Variants in GPT2 observed in about 807,000 individuals in gnomAD.
GPT2 encodes alanine aminotransferase 2.
GPT2 carries 30 observed loss-of-function variants against 56.9 expected under a neutral mutation model. The ratio of observed to expected loss-of-function variants is 0.53; its 90% confidence interval spans 0.39 to 0.72. The LOEUF (loss-of-function observed/expected upper bound fraction) is 0.72, where lower values mean the gene tolerates loss of function less well. GPT2 is among the 30% of genes least tolerant of loss of function. The pLI is 0.00. For synonymous variants in GPT2, 271 were observed against 283.1 expected, an observed-to-expected ratio of 0.96 and a Z score of 0.43; for missense variants, 542 against 703.4, an observed-to-expected ratio of 0.77 and a Z score of 2.60.
chr16:46,908,449 C>T (rs1231673515), intron 5 of GPT2, among the ~76,000 whole-genome samples: 4 of 152,120 alleles, frequency 2.6e-5, no homozygotes, highest in African/African-American at 9.7e-5. Flanking sequence ...TGGAATGGTG[C>T]TGGGTGCTGT....
At chr16:46,896,626 A>G (rs1960690936) in intron 2 of GPT2, among the ~76,000 whole-genome samples, 1 of 152,114 alleles carries the variant, frequency 6.6e-6, no homozygotes, top group African/African-American at 2.4e-5. Flanking sequence ...CTGGGGCAGG[A>G]TGCAGAGGAG....
chr16:46,910,839 AT>A (rs1961035163), intron 6 of GPT2, among the ~76,000 whole-genome samples: 1 of 151,996 alleles, frequency 6.6e-6, no homozygotes, highest in Non-Finnish European at 1.5e-5. Context: ...GCCTCAAGTG[AT>A]CCTCCCAAAG....
At chr16:46,928,493 G>C (rs896203885) in intron 11 of GPT2, among the ~76,000 whole-genome samples, 2 of 151,484 alleles carry the variant, frequency 1.3e-5, no homozygotes, top group African/African-American at 2.4e-5. Context: ...CGTGGTGGCA[G>C]GCATCTGTAA....
intron 8 of GPT2, 47 bp from the exon 9 acceptor site, chr16:46,922,195 A>G (rs1961300117): frequency 6.3e-7 from 1 of 1,582,022 alleles, no homozygotes. Flanking sequence ...CACTTTGTTG[A>G]GGTCTTTCTA....
intron 2 of GPT2, among the ~76,000 whole-genome samples, chr16:46,891,998 C>T (rs1960595963): frequency 6.6e-6 from 1 of 151,870 alleles, no homozygotes; most frequent in East Asian, 1.9e-4. Context: ...TTAGCTCCCA[C>T]AAATAAGTTA....
chr16:46,924,486 G>T lies in GPT2; in HGVS notation c.1310G>T (p.Gly437Val). The change falls in exon 10 of 12, where the codon GGG becomes GTG. Residue 437 changes from glycine to valine, a missense_variant. Gly to Val is a moderately radical substitution (Grantham distance 109). Coordinates refer to ENST00000340124, the MANE Select transcript of GPT2 (RefSeq NM_133443.4). ...VPGIHCNPLQ[G>V]AMYAFPRIFI... ...GGAATTCACTGCAACCCCTTGCAGG[G>T]GGCCATGTACGCCTTCCCTCGGATC... The T allele has an allele frequency of 6.2e-7, 1 of 1,614,228 alleles. No homozygotes were observed. Among genetic ancestry groups the T allele is most frequent in the Non-Finnish European group, 8.5e-7 (1 of 1,180,042 alleles).
At chr16:46,892,472 G>C (rs1960603733) in intron 2 of GPT2, among the ~76,000 whole-genome samples, 1 of 152,102 alleles carries the variant, frequency 6.6e-6, no homozygotes, top group African/African-American at 2.4e-5. Context: ...CTGGATCCTA[G>C]GGTAGTTCTA....
At chr16:46,885,129 C>A in intron 2 of GPT2, 171 bp downstream of exon 2, 1 of 1,348,140 alleles carries the variant, frequency 7.4e-7, no homozygotes, top group Non-Finnish European at 9.5e-7. Flanking sequence ...CTTACTGGTG[C>A]CCAGCACCGG....
chr16:46,924,830 C>T lies in GPT2; in HGVS notation c.1368+286C>T, dbSNP rs533115609. ...GGGCGGTGCCCAGGTGAGATGCCTG[C>T]GGGGGAAGCAGCAGGAGCTACCACC... On this transcript the variant is annotated intron_variant, in intron 10 of 11. Transcript: ENST00000340124. Among the ~76,000 whole-genome samples the T allele has an allele frequency of 1.4e-4, 22 of 152,276 alleles. No homozygotes were observed. In the South Asian group the frequency reaches 2.9e-3, roughly 20 times the overall value.
At chr16:46,914,185 G>C (rs570181834) in intron 6 of GPT2, among the ~76,000 whole-genome samples, 2 of 152,246 alleles carry the variant, frequency 1.3e-5, no homozygotes, top group African/African-American at 4.8e-5. Flanking sequence ...TCCCTCACCT[G>C]TACCCATGGC....
intron 4 of GPT2, 25 bp downstream of exon 4, chr16:46,900,815 C>T (rs1003951651): frequency 6.3e-7 from 1 of 1,599,222 alleles, no homozygotes; most frequent in Non-Finnish European, 8.6e-7. Context: ...TGCCAGGCCC[C>T]TAGGCGTGAA....
intron 6 of GPT2, among the ~76,000 whole-genome samples, chr16:46,912,329 C>T (rs1961062801): frequency 6.6e-6 from 1 of 152,178 alleles, no homozygotes; most frequent in Admixed American, 6.5e-5. Context: ...CTCTGGGTTG[C>T]AGTCCTCAGG....
chr16:46,925,423 G>A (rs1363263568), intron 10 of GPT2, among the ~76,000 whole-genome samples: 1 of 151,972 alleles, frequency 6.6e-6, no homozygotes, highest in Non-Finnish European at 1.5e-5. Context: ...GGGTTTCACC[G>A]TGTTAGCCAG....
chr16:46,909,723 C>T lies in GPT2; in HGVS notation c.616C>T (p.Arg206Trp). The change falls in exon 6 of 12, where the codon CGG (arginine) becomes TGG (tryptophan). Residue 206 changes from arginine (R) to tryptophan (W), a missense_variant. Physicochemically the swap from Arg to Trp is moderately radical, Grantham distance 101. Transcript: ENST00000340124. ...KILVSGGGKS[R>W]TGVMIPIPQY... ...CCTCGTCTCCGGGGGCGGCAAGTCA[C>T]GGACAGGTGTGATGATCCCCATCCC... is the stretch of plus-strand genomic sequence containing the variant. The T allele has an allele frequency of 3.7e-6, 6 of 1,614,082 alleles. No homozygotes were observed. Among genetic ancestry groups the T allele is most frequent in the Non-Finnish European group, 5.1e-6 (6 of 1,179,992 alleles).
intron 3 of GPT2, among the ~76,000 whole-genome samples, chr16:46,898,565 G>A (rs934940999): frequency 7.2e-5 from 11 of 151,846 alleles, no homozygotes; most frequent in African/African-American, 1.9e-4. Context: ...TTGTTTTGTC[G>A]CCCAGGTTTG....
chr16:46,914,265 G>A (rs549324595), intron 6 of GPT2, among the ~76,000 whole-genome samples: 1 of 152,156 alleles, frequency 6.6e-6, no homozygotes, highest in East Asian at 1.9e-4. Flanking sequence ...GGCTGGGTGC[G>A]GTGGCTCACG....
intron 4 of GPT2, among the ~76,000 whole-genome samples, chr16:46,901,607 T>C (rs1960818472): frequency 6.6e-6 from 1 of 152,368 alleles, no homozygotes; most frequent in Admixed American, 6.5e-5. Context: ...TCCTAGGATA[T>C]GAGCCCTGAT....
chr16:46,925,948 G>A (rs1011612597), intron 10 of GPT2, among the ~76,000 whole-genome samples: 2 of 151,844 alleles, frequency 1.3e-5, no homozygotes, highest in Non-Finnish European at 1.5e-5. Flanking sequence ...TGGCCAACAC[G>A]GTGAAACCCC....
chr16:46,921,469 G>A (rs762756220), intron 8 of GPT2, among the ~76,000 whole-genome samples: 8 of 151,748 alleles, frequency 5.3e-5, no homozygotes, highest in East Asian at 1.9e-4. Context: ...CACTTCACCC[G>A]GCTCCCCCAA....
Sources: gnomAD v4.1 joint callset for allele counts (sites outside exome capture counted in the v4.1 genomes callset) on GRCh38, gnomAD v4.1.1 for gene constraint, MANE v1.5 for transcripts, NCBI Gene and HGNC (gene_info 2026-07-23, HGNC 2026-07-21) for gene names.